The following SEC14L1 variants were observed in gnomAD, a reference collection of about 807,000 sequenced individuals.
SEC14L1 encodes the protein SEC14 like lipid binding 1.
SEC14L1 carries 48 observed loss-of-function variants against 85.3 expected under a neutral mutation model. That is an observed-to-expected ratio of 0.56 (90% CI 0.45 to 0.72). The LOEUF (loss-of-function observed/expected upper bound fraction) is 0.72, where lower values mean the gene tolerates loss of function less well. Ranked by LOEUF, SEC14L1 falls within the 30% of genes least tolerant of loss-of-function variation. The pLI, the probability that SEC14L1 is intolerant of heterozygous loss-of-function variation, is 0.00. For synonymous variants in SEC14L1, 391 were observed against 355.5 expected, an observed-to-expected ratio of 1.10 and a Z score of -1.12; for missense variants, 682 against 921.4, an observed-to-expected ratio of 0.74 and a Z score of 3.36.
intron 3 of SEC14L1, among the ~76,000 whole-genome samples, chr17:77,184,946 C>G (rs924203736): frequency 4.6e-5 from 7 of 152,196 alleles, no homozygotes; most frequent in African/African-American, 1.7e-4. Flanking sequence ...ATGAAAGTTA[C>G]ATCTACTTTT....
chr17:77,133,343 G>A (rs1972671650), intron 3 of SEC14L1, among the ~76,000 whole-genome samples: 1 of 152,244 alleles, frequency 6.6e-6, no homozygotes, highest in Non-Finnish European at 1.5e-5. Flanking sequence ...TCCTGCCGGG[G>A]GCGGGAATGT....
At chr17:77,125,712 G>A (rs1972429743) in intron 3 of SEC14L1, among the ~76,000 whole-genome samples, 1 of 152,212 alleles carries the variant, frequency 6.6e-6, no homozygotes, top group African/African-American at 2.4e-5. Context: ...TTCACTCGGG[G>A]CCTTCCTGTG....
At chr17:77,191,415 A>G in intron 5 of SEC14L1, 103 bp downstream of exon 5, 4 of 1,278,776 alleles carry the variant, frequency 3.1e-6, no homozygotes, top group African/African-American at 1.5e-5. Flanking sequence ...CTTAGAGGGC[A>G]GTTCTTCATT....
intron 3 of SEC14L1, among the ~76,000 whole-genome samples, chr17:77,175,418 G>A (rs750096269): frequency 2.6e-5 from 4 of 152,184 alleles, no homozygotes; most frequent in Non-Finnish European, 4.4e-5. Context: ...GGGATACAGA[G>A]GTGGGACAAA....
At chr17:77,192,560 T>C (rs1229519946) in intron 5 of SEC14L1, among the ~76,000 whole-genome samples, 1 of 152,170 alleles carries the variant, frequency 6.6e-6, no homozygotes, top group Non-Finnish European at 1.5e-5. Context: ...TATTCTTCCC[T>C]ACGTCTCTAG....
At chr17:77,158,732 T>A (rs1252251590) in intron 3 of SEC14L1, among the ~76,000 whole-genome samples, 1 of 151,772 alleles carries the variant, frequency 6.6e-6, no homozygotes, top group Non-Finnish European at 1.5e-5. Flanking sequence ...GGGTTGTTTC[T>A]ACCTTTTGGC....
intron 3 of SEC14L1, among the ~76,000 whole-genome samples, chr17:77,147,978 A>C (rs377737230): frequency 3.9e-5 from 6 of 152,178 alleles, no homozygotes; most frequent in Non-Finnish European, 7.3e-5. Context: ...AGGGTTTAAG[A>C]TCTCACGGGA....
At chr17:77,188,033 C>T (rs1311242186) in intron 3 of SEC14L1, among the ~76,000 whole-genome samples, 1 of 152,168 alleles carries the variant, frequency 6.6e-6, no homozygotes, top group Non-Finnish European at 1.5e-5. Context: ...ATGAATTCTG[C>T]AACATCTTTA....
rs1977000814 is a variant in SEC14L1 at position 77,215,667 on chromosome 17, G to A, written c.*1644G>A. ...GACCACATTTGTGTTTGCTCTTAGA[G>A]ATCGAGCTCCTCAGTGGTACCTGAA... is the stretch of plus-strand genomic sequence containing the variant. On this transcript the variant is annotated 3_prime_UTR_variant, in exon 17 of 17. Coordinates refer to ENST00000436233, the MANE Select transcript of SEC14L1 (RefSeq NM_001143998.2). 5.0e-6 allele frequency: 5 copies of A among 992,150 alleles called. No homozygotes were observed. Among genetic ancestry groups the A allele is most frequent in the Non-Finnish European group, 6.0e-6 (5 of 833,116 alleles). 61.5% of individuals were successfully genotyped at this position (992,150 alleles called of 1,614,324 possible). A position where few individuals can be genotyped will look rare whatever the true frequency, so the allele number is the denominator to read the frequency against.
chr17:77,206,844 C>T lies in SEC14L1; in HGVS notation c.1458C>T (p.Phe486=), dbSNP rs891221512. ...TCGACAAAGAGATTATTCCAGATTTCCTGAGTGGGGAGTGCATGGTATGTC... is the reference window on the plus strand; with the variant it reads ...TCGACAAAGAGATTATTCCAGATTTTCTGAGTGGGGAGTGCATGGTATGTC... ...DYIDKEIIPD[F]LSGECMCEVP... is the part of the protein sequence containing the mutation. The change falls in exon 13 of 17, where the codon TTC becomes TTT. Residue 486 remains phenylalanine (F), a synonymous_variant. Transcript: ENST00000436233. The surrounding 1 kb of genome is among the most constrained non-coding windows in gnomAD (Gnocchi z 4.3). 19 of 1,606,832 alleles carry T rather than the reference C, an allele frequency of 1.2e-5. No homozygotes were observed. Among genetic ancestry groups the T allele is most frequent in the African/African-American group, 2.7e-5 (2 of 74,680 alleles).
chr17:77,164,253 C>T (rs1974193982), intron 3 of SEC14L1, among the ~76,000 whole-genome samples: 1 of 152,236 alleles, frequency 6.6e-6, no homozygotes, highest in Non-Finnish European at 1.5e-5. Flanking sequence ...GCCCACGGCG[C>T]TCAGGCACTT....
chr17:77,125,262 G>A (rs1373384815), intron 3 of SEC14L1, among the ~76,000 whole-genome samples: 2 of 151,986 alleles, frequency 1.3e-5, no homozygotes, highest in Admixed American at 6.6e-5. Flanking sequence ...CTCCCAAAGT[G>A]CTGGGATTAC....
intron 3 of SEC14L1, among the ~76,000 whole-genome samples, chr17:77,116,494 G>T (rs938779060): frequency 6.6e-6 from 1 of 152,210 alleles, no homozygotes; most frequent in African/African-American, 2.4e-5. Context: ...AGACCTTCCA[G>T]TTGGAAGAGG....
intron 5 of SEC14L1, 89 bp downstream of exon 5, chr17:77,191,401 T>C: frequency 6.8e-7 from 1 of 1,472,136 alleles, no homozygotes; most frequent in Admixed American, 1.8e-5. Context: ...GTGCATCTTT[T>C]TGTCTTAGAG....
chr17:77,172,825 T>G (rs1394243683), intron 3 of SEC14L1, among the ~76,000 whole-genome samples: 3 of 152,148 alleles, frequency 2.0e-5, no homozygotes, highest in Non-Finnish European at 1.5e-5. Flanking sequence ...GGAATACAGA[T>G]TTTTGAGTTC....
intron 14 of SEC14L1, chr17:77,211,634 T>C: frequency 2.7e-6 from 1 of 375,138 alleles, no homozygotes; most frequent in Non-Finnish European, 5.0e-6. Context: ...ACCACTCATG[T>C]ACGAGCTCAC....
chr17:77,094,273 C>G (rs1971587074), intron 3 of SEC14L1: 1 of 151,896 alleles, frequency 6.6e-6, no homozygotes, highest in Admixed American at 6.6e-5. Context: ...CTGCCTTGGC[C>G]TCCCAAAGTG....
At chr17:77,185,599 T>A (rs182446592) in intron 3 of SEC14L1, among the ~76,000 whole-genome samples, 162 of 152,356 alleles carry the variant, frequency 1.1e-3, no homozygotes, top group African/African-American at 3.7e-3. Flanking sequence ...TACTCTGCCC[T>A]ATATGTCACT....
intron 3 of SEC14L1, among the ~76,000 whole-genome samples, chr17:77,124,297 G>A (rs1567878724): frequency 6.6e-6 from 1 of 152,192 alleles, no homozygotes; most frequent in African/African-American, 2.4e-5. Context: ...CCAGGAGGTC[G>A]CGTCTGCAGT....
Sources: allele counts gnomAD v4.1 joint callset (sites outside exome capture counted in the v4.1 genomes callset), GRCh38; gene constraint gnomAD v4.1.1; non-coding constraint Gnocchi (gnomAD v3.1); transcripts MANE v1.5; gene names NCBI Gene and HGNC (gene_info 2026-07-23, HGNC 2026-07-21).